Variants in ALDH8A1 observed in about 807,000 individuals in gnomAD.
ALDH8A1 encodes the protein aldehyde dehydrogenase 8 family member A1.
ALDH8A1 carries 39 observed loss-of-function variants against 43.3 expected under a neutral mutation model. The ratio of observed to expected loss-of-function variants is 0.90; its 90% CI spans 0.70 to 1.18. ALDH8A1 has a LOEUF of 1.18. Among genes scored for constraint, ALDH8A1 ranks in the 50% most tolerant of loss-of-function variants. ALDH8A1 has a pLI of 0.00. For missense variants in ALDH8A1, 605 were observed against 622.6 expected, an observed-to-expected ratio of 0.97 and a Z score of 0.30; for synonymous variants, 233 against 243.5, an observed-to-expected ratio of 0.96 and a Z score of 0.40.
chr6:134,948,603 C>A (rs1773992943), intron 1 of ALDH8A1, among the ~76,000 whole-genome samples: 2 of 152,118 alleles, frequency 1.3e-5, no homozygotes, highest in Non-Finnish European at 2.9e-5. Context: ...GTTAGCAGCA[C>A]CAGCAACATT....
chr6:134,935,560 T>C (rs1036849251), intron 4 of ALDH8A1, among the ~76,000 whole-genome samples: 7 of 152,238 alleles, frequency 4.6e-5, no homozygotes, highest in African/African-American at 1.7e-4. Context: ...TAGGCAGTTC[T>C]TAGGGTCTGC....
intron 1 of ALDH8A1, among the ~76,000 whole-genome samples, chr6:134,948,889 A>C (rs1358148354): frequency 6.6e-6 from 1 of 152,242 alleles, no homozygotes; most frequent in Non-Finnish European, 1.5e-5. Context: ...AGTGGAAAAC[A>C]CAAAGCTGGA....
intron 4 of ALDH8A1, among the ~76,000 whole-genome samples, chr6:134,938,849 G>A (rs1039077501): frequency 3.9e-5 from 6 of 151,966 alleles, no homozygotes; most frequent in Non-Finnish European, 5.9e-5. Flanking sequence ...GGGTTTCATC[G>A]TATTAGCCAG....
intron 2 of ALDH8A1, 59 bp downstream of exon 2, chr6:134,943,760 T>C: frequency 1.3e-6 from 2 of 1,589,140 alleles, no homozygotes; most frequent in Non-Finnish European, 1.7e-6. Context: ...CCAAGAGGGA[T>C]AACATGAATA....
At chr6:134,938,209 C>T (rs1410285421) in intron 4 of ALDH8A1, among the ~76,000 whole-genome samples, 3 of 152,168 alleles carry the variant, frequency 2.0e-5, no homozygotes, top group Non-Finnish European at 4.4e-5. Context: ...TCTCCCCCAC[C>T]CAGCACTCCT....
intron 5 of ALDH8A1, 109 bp from the exon 6 acceptor site, chr6:134,929,324 G>A (rs906591311): frequency 1.8e-6 from 2 of 1,124,234 alleles, no homozygotes; most frequent in Non-Finnish European, 2.4e-6. Context: ...TAGGCAATGG[G>A]GTACAATGGT....
chr6:134,927,374 T>C (rs1440665153), intron 6 of ALDH8A1, among the ~76,000 whole-genome samples: 1 of 152,108 alleles, frequency 6.6e-6, no homozygotes, highest in Non-Finnish European at 1.5e-5. Context: ...TCAAAAATAT[T>C]GTATGAAAGT....
chr6:134,928,904 C>G (rs17064117), intron 6 of ALDH8A1, 150 bp downstream of exon 6: 4 of 759,666 alleles, frequency 5.3e-6, no homozygotes, highest in Non-Finnish European at 8.3e-6. Context: ...AATGTTTAGA[C>G]TCTGTGTCCA....
At chr6:134,940,165 C>A (rs1165234966) in intron 3 of ALDH8A1, 1 of 354,350 alleles carries the variant, frequency 2.8e-6, no homozygotes, top group African/African-American at 2.2e-5. Flanking sequence ...AGCAAACCAC[C>A]ATGGCACACG....
intron 2 of ALDH8A1, 85 bp from the exon 3 acceptor site, chr6:134,942,649 A>T (rs1302563781): frequency 7.3e-7 from 1 of 1,361,780 alleles, no homozygotes; most frequent in African/African-American, 1.4e-5. Flanking sequence ...GTCCCAACTC[A>T]CACTGAAACA....
rs1776743771 is a variant in ALDH8A1 at position 134,918,502 on chromosome 6, C to A, written c.1377G>T (p.Gly459=). ...CTCTACCTATTCCAGAACTCTTCAT[C>A]CCCCCGAAAGGAAGGTTCAGCTCCC... is the stretch of plus-strand genomic sequence containing the variant. ...LIRELNLPFG[G]MKSSGIGREG... The change falls in exon 7 of 7, where the codon GGG becomes GGT. Residue 459 remains glycine (G), a synonymous_variant. Coordinates refer to ENST00000265605, the MANE Select transcript of ALDH8A1 (RefSeq NM_022568.4). The A allele has an allele frequency of 6.2e-7, 1 of 1,614,140 alleles. No homozygotes were observed. Among genetic ancestry groups the A allele is most frequent in the Non-Finnish European group, 8.5e-7 (1 of 1,180,022 alleles).
intron 6 of ALDH8A1, among the ~76,000 whole-genome samples, chr6:134,921,092 G>A (rs1038377392): frequency 6.6e-6 from 1 of 152,192 alleles, no homozygotes. Context: ...GTCAGCCTCT[G>A]TTGTTATTGA....
chr6:134,931,712 G>T (rs1776988760), intron 5 of ALDH8A1, among the ~76,000 whole-genome samples: 2 of 152,170 alleles, frequency 1.3e-5, no homozygotes, highest in African/African-American at 4.8e-5. Flanking sequence ...TAAATTAGTT[G>T]TATTGTAAAA....
intron 4 of ALDH8A1, among the ~76,000 whole-genome samples, chr6:134,936,680 G>T (rs2235262): frequency 0.07 from 10,640 of 152,256 alleles, 734 homozygotes; most frequent in East Asian, 0.26. Flanking sequence ...CGCTCACTGC[G>T]GCAGCGGATT....
At position 134,950,050 on chromosome 6, in the gene ALDH8A1, C is replaced by T. The variant is rs141981819; in HGVS notation, c.4G>A (p.Ala2Thr). ...AGCATCAAAAGTGCGTTTGTTCCAG[C>T]CATAGCAAGGAAAAATTCTGCCTTT... Reference protein sequence around the residue: MAGTNALLMLEN... With the variant: MTGTNALLMLEN... The change falls in exon 1 of 7, where the codon GCT (alanine) becomes ACT (threonine). Residue 2 changes from alanine (A) to threonine (T), a missense_variant. Coordinates refer to ENST00000265605, the MANE Select transcript of ALDH8A1 (RefSeq NM_022568.4). The T allele has an allele frequency of 6.2e-7, 1 of 1,608,928 alleles. No homozygotes were observed. Among genetic ancestry groups the T allele is most frequent in the African/African-American group, 1.3e-5 (1 of 74,918 alleles).
rs1041066402 is a variant in ALDH8A1 at position 134,917,527 on chromosome 6, G to A, written c.*888C>T. Reference sequence around the variant, plus strand: ...ATGGATCAAACTATGTACTCTTCTTGTTCCAAGTTTCCTCCAAAAGTAGTA... The same window carrying A: ...ATGGATCAAACTATGTACTCTTCTTATTCCAAGTTTCCTCCAAAAGTAGTA... On this transcript the variant is annotated 3_prime_UTR_variant, in exon 7 of 7. Transcript: ENST00000265605. 5 of 152,138 alleles carry A rather than the reference G, an allele frequency of 3.3e-5. No homozygotes were observed. Among genetic ancestry groups the A allele is most frequent in the African/African-American group, 1.2e-4 (5 of 41,422 alleles). 9.4% of individuals were successfully genotyped at this position (152,138 alleles called of 1,614,324 possible). A position where few individuals can be genotyped will look rare whatever the true frequency, so the allele number is the denominator to read the frequency against.
chr6:134,922,557 T>C (rs549011807), intron 6 of ALDH8A1, among the ~76,000 whole-genome samples: 23 of 151,982 alleles, frequency 1.5e-4, no homozygotes, highest in Admixed American at 1.2e-3. Context: ...CTGGCTAATT[T>C]TTGTATTTTT....
chr6:134,944,953 T>C (rs558891265), intron 1 of ALDH8A1, among the ~76,000 whole-genome samples: 6 of 148,580 alleles, frequency 4.0e-5, no homozygotes, highest in Non-Finnish European at 8.9e-5. Flanking sequence ...GTATATATTA[T>C]ATATACAGTA....
intron 1 of ALDH8A1, 86 bp downstream of exon 1, chr6:134,949,830 A>G: frequency 1.4e-6 from 2 of 1,422,776 alleles, no homozygotes; most frequent in Non-Finnish European, 1.9e-6. Context: ...ATCTTCCCCC[A>G]ACTCCCTCTG....
Sources: allele counts gnomAD v4.1 joint callset (sites outside exome capture counted in the v4.1 genomes callset), GRCh38; gene constraint gnomAD v4.1.1; transcripts MANE v1.5; gene names NCBI Gene and HGNC (gene_info 2026-07-23, HGNC 2026-07-21).